Variants in CNOT4 observed in about 807,000 individuals in gnomAD.
The protein encoded by CNOT4 is CCR4-associated factor 4.
Under a neutral mutation model 73.8 loss-of-function variants are expected in CNOT4, and 8 were observed. The observed-to-expected ratio is 0.11, with a 90% CI of 0.06 to 0.20. The LOEUF (loss-of-function observed/expected upper bound fraction) is 0.20. Ranked by LOEUF, CNOT4 falls within the 10% of genes least tolerant of loss-of-function variation. The probability of loss-of-function intolerance (pLI) is 1.00; values close to 1 mark genes in which losing one functional copy is unlikely to be tolerated. For synonymous variants in CNOT4, 293 were observed against 321.1 expected (o/e 0.91, Z 0.94); for missense variants, 564 against 883.4 (o/e 0.64, Z 4.58).
intron 1 of CNOT4, among the ~76,000 whole-genome samples, chr7:135,486,408 A>G (rs1335285579): frequency 1.3e-5 from 2 of 152,208 alleles, no homozygotes; most frequent in Non-Finnish European, 2.9e-5. Flanking sequence ...GTAACACCCT[A>G]TCTGGCTAGA....
At chr7:135,427,048 G>A (rs937287110) in intron 2 of CNOT4, among the ~76,000 whole-genome samples, 2 of 151,816 alleles carry the variant, frequency 1.3e-5, no homozygotes, top group Non-Finnish European at 2.9e-5. Context: ...ACATACTATT[G>A]TGCATTACAT....
chr7:135,420,726 A>C (rs1490704078), intron 3 of CNOT4, among the ~76,000 whole-genome samples: 1 of 152,012 alleles, frequency 6.6e-6, no homozygotes, highest in Non-Finnish European at 1.5e-5. Context: ...TCTATTTAAT[A>C]GAGTTAAAAG....
At chr7:135,366,560 T>C (rs1794926412) in intron 10 of CNOT4, among the ~76,000 whole-genome samples, 1 of 152,164 alleles carries the variant, frequency 6.6e-6, no homozygotes, top group South Asian at 2.1e-4. Context: ...GATTACAGGA[T>C]ACCTTGGGAA....
At chr7:135,438,092 T>C in intron 2 of CNOT4, 66 bp downstream of exon 2, 1 of 827,502 alleles carries the variant, frequency 1.2e-6, no homozygotes, top group Non-Finnish European at 2.0e-6. Context: ...CACTTGCTCA[T>C]ATACATGGCA....
intron 1 of CNOT4, among the ~76,000 whole-genome samples, chr7:135,508,005 A>G (rs1464139581): frequency 1.3e-5 from 2 of 152,228 alleles, no homozygotes; most frequent in African/African-American, 2.4e-5. Flanking sequence ...CTTAGTTTAC[A>G]TTTGGTAAAA....
chr7:135,453,700 T>C (rs962079074), intron 1 of CNOT4, among the ~76,000 whole-genome samples: 9 of 148,112 alleles, frequency 6.1e-5, no homozygotes, highest in Non-Finnish European at 1.0e-4. Flanking sequence ...CAATCAAGCT[T>C]ATGTATGAGT....
chr7:135,370,614 G>T (rs1795147930), intron 10 of CNOT4, among the ~76,000 whole-genome samples: 1 of 152,134 alleles, frequency 6.6e-6, no homozygotes, highest in African/African-American at 2.4e-5. Context: ...GGGACATCCT[G>T]TACATTCTTC....
Position 135,438,374 on chromosome 7 carries a change from A to C in CNOT4, c.-43T>G. 1 of 1,513,730 alleles carries C rather than the reference A, an allele frequency of 6.6e-7. No homozygotes were observed. Among genetic ancestry groups the C allele is most frequent in the Non-Finnish European group, 8.9e-7 (1 of 1,123,072 alleles). The allele number at this position is 1,513,730 out of a possible 1,614,324, so 93.8% of individuals were successfully genotyped here. A position where few individuals can be genotyped will look rare whatever the true frequency, so the allele number is the denominator to read the frequency against. ...AGCAGCAAAAGTTTATAATAATTTA[A>C]GGGAGAAGGAAGTTCAGCACTGAAA... On this transcript the variant is annotated 5_prime_UTR_variant, in exon 2 of 12. Coordinates refer to ENST00000541284, the MANE Select transcript of CNOT4 (RefSeq NM_001190850.2).
chr7:135,427,581 T>A (rs1170564186), intron 2 of CNOT4, among the ~76,000 whole-genome samples: 1 of 152,202 alleles, frequency 6.6e-6, no homozygotes, highest in Non-Finnish European at 1.5e-5. Context: ...TTCTTTTTGA[T>A]CTCTTTAAAC....
intron 7 of CNOT4, among the ~76,000 whole-genome samples, chr7:135,401,087 A>T (rs549205383): frequency 2.0e-5 from 3 of 152,320 alleles, no homozygotes; most frequent in African/African-American, 7.2e-5. Context: ...AATTCCAATA[A>T]ATGTGAACTC....
chr7:135,412,507 C>T (rs751733290), intron 6 of CNOT4, among the ~76,000 whole-genome samples: 2 of 151,884 alleles, frequency 1.3e-5, no homozygotes, highest in Non-Finnish European at 2.9e-5. Context: ...TCAGTTAAGT[C>T]ATCTGTCCTT....
intron 1 of CNOT4, chr7:135,444,678 C>A (rs930679921): frequency 5.1e-6 from 6 of 1,179,216 alleles, no homozygotes; most frequent in Non-Finnish European, 7.6e-6. Context: ...CAGTGTTTTG[C>A]TCCTGGGTCT....
intron 1 of CNOT4, among the ~76,000 whole-genome samples, chr7:135,495,722 G>A (rs1459988773): frequency 1.1e-5 from 1 of 94,620 alleles, no homozygotes; most frequent in Non-Finnish European, 2.4e-5. Context: ...AAGAAAGAAA[G>A]AAAGAAAGAA....
intron 3 of CNOT4, among the ~76,000 whole-genome samples, chr7:135,417,194 ATTC>A (rs1797919226): frequency 6.6e-6 from 1 of 152,140 alleles, no homozygotes; most frequent in African/African-American, 2.4e-5. Flanking sequence ...ATGTAAAGAA[ATTC>A]TTCAATGATC....
chr7:135,432,900 C>T (rs545656971), intron 2 of CNOT4, among the ~76,000 whole-genome samples: 12 of 152,262 alleles, frequency 7.9e-5, no homozygotes, highest in African/African-American at 2.4e-4. Flanking sequence ...ATTCGGATTC[C>T]TTGTCTTTTA....
intron 3 of CNOT4, 143 bp from the exon 4 acceptor site, chr7:135,415,405 T>G: frequency 1.8e-6 from 1 of 552,260 alleles, no homozygotes; most frequent in Non-Finnish European, 3.2e-6. Context: ...TACCTCCTAA[T>G]TGCAGTTTGT....
At chr7:135,393,283 T>C (rs967755180) in intron 10 of CNOT4, among the ~76,000 whole-genome samples, 1 of 152,346 alleles carries the variant, frequency 6.6e-6, no homozygotes, top group Non-Finnish European at 1.5e-5. Context: ...ATATACTTCA[T>C]ATTTTTCCCC....
chr7:135,436,791 T>C (rs1175213363), intron 2 of CNOT4, among the ~76,000 whole-genome samples: 1 of 151,872 alleles, frequency 6.6e-6, no homozygotes, highest in African/African-American at 2.4e-5. Flanking sequence ...TAATGATAAA[T>C]AAACAATGCA....
At chr7:135,386,323 G>A (rs1223023541) in intron 10 of CNOT4, 1 of 151,728 alleles carries the variant, frequency 6.6e-6, no homozygotes, top group Admixed American at 6.6e-5. Flanking sequence ...CCTATGTTAA[G>A]GGAAAAGCTA....
Sources: allele counts gnomAD v4.1 joint callset (sites outside exome capture counted in the v4.1 genomes callset), GRCh38; gene constraint gnomAD v4.1.1; transcripts MANE v1.5; gene names NCBI Gene and HGNC (gene_info 2026-07-23, HGNC 2026-07-21).